PIGU: variants seen among roughly 807,000 people sequenced by gnomAD.
PIGU encodes the protein GPI-anchor transamidase component PIGU.
Under a neutral mutation model 49.9 loss-of-function variants are expected in PIGU, and 24 were observed. The ratio of observed to expected loss-of-function variants is 0.48; its 90% CI spans 0.35 to 0.68. The LOEUF is 0.68. PIGU is among the 30% of genes least tolerant of loss of function. The pLI is 0.01. For missense variants in PIGU, 490 were observed against 532.6 expected (o/e 0.92, Z 0.79); for synonymous variants, 220 against 205.7 (o/e 1.07, Z -0.59).
chr20:34,647,293 A>C (rs1986382294), intron 2 of PIGU, among the ~76,000 whole-genome samples: 1 of 124,252 alleles, frequency 8.0e-6, no homozygotes, highest in Non-Finnish European at 1.6e-5. Context: ...TTTGAGACAG[A>C]GTCTTGCTCT....
intron 11 of PIGU, among the ~76,000 whole-genome samples, chr20:34,561,526 C>A (rs1420528274): frequency 6.6e-6 from 1 of 152,164 alleles, no homozygotes; most frequent in Non-Finnish European, 1.5e-5. Flanking sequence ...GTCATCTCAT[C>A]TCCTAAACAA....
intron 7 of PIGU, among the ~76,000 whole-genome samples, chr20:34,612,676 T>C (rs539828593): frequency 9.9e-5 from 15 of 151,372 alleles, no homozygotes; most frequent in African/African-American, 3.6e-4. Context: ...CAGGCTGGAA[T>C]GCGGTGGTGC....
intron 11 of PIGU, among the ~76,000 whole-genome samples, chr20:34,566,994 T>G (rs1302128342): frequency 6.6e-6 from 1 of 152,240 alleles, no homozygotes; most frequent in Admixed American, 6.5e-5. Context: ...ACAGCAGCCT[T>G]GTCCACCACC....
chr20:34,563,868 C>T (rs1982635023), intron 11 of PIGU, among the ~76,000 whole-genome samples: 1 of 152,156 alleles, frequency 6.6e-6, no homozygotes, highest in Non-Finnish European at 1.5e-5. Flanking sequence ...CTTGAAATCA[C>T]GTGGCTAGCA....
intron 2 of PIGU, among the ~76,000 whole-genome samples, chr20:34,650,698 C>CTTTTTTTTTTTTTTTTTTT (rs1568658806): frequency 2.3e-5 from 1 of 43,950 alleles, no homozygotes; most frequent in Non-Finnish European, 4.8e-5. Flanking sequence ...TTCTTTTTTT[C>CTTTTTTTTTTTTTTTTTTT]TCTTTTTTTT....
chr20:34,671,622 T>C (rs1464019307), intron 1 of PIGU, among the ~76,000 whole-genome samples: 2 of 152,102 alleles, frequency 1.3e-5, no homozygotes, highest in East Asian at 3.9e-4. Flanking sequence ...AATTCATTCC[T>C]TAAAAATTTA....
At chr20:34,676,839 A>G (rs1568672681) in intron 1 of PIGU, 117 bp downstream of exon 1, 1 of 1,279,624 alleles carries the variant, frequency 7.8e-7, no homozygotes, top group Non-Finnish European at 1.1e-6. Flanking sequence ...ACCCCACGAG[A>G]CAGTCAGTTA....
intron 7 of PIGU, among the ~76,000 whole-genome samples, chr20:34,594,125 T>G (rs1984100929): frequency 6.6e-6 from 1 of 152,148 alleles, no homozygotes; most frequent in Non-Finnish European, 1.5e-5. Flanking sequence ...TTCAGTGAGC[T>G]GTGATCGTGC....
At chr20:34,565,172 TAA>T (rs1440119814) in intron 11 of PIGU, among the ~76,000 whole-genome samples, 2 of 152,164 alleles carry the variant, frequency 1.3e-5, no homozygotes, top group African/African-American at 4.8e-5. Context: ...TGTGTGATAT[TAA>T]GTCTCTTCCT....
intron 11 of PIGU, among the ~76,000 whole-genome samples, chr20:34,565,032 G>C (rs367704824): frequency 1.8e-4 from 27 of 152,346 alleles, no homozygotes; most frequent in Middle Eastern, 3.4e-3. Flanking sequence ...GCCGTGAGGA[G>C]AGCAGGGATT....
chr20:34,674,841 G>A (rs1402431144), intron 1 of PIGU, among the ~76,000 whole-genome samples: 1 of 151,790 alleles, frequency 6.6e-6, no homozygotes, highest in Non-Finnish European at 1.5e-5. Context: ...CAACTACTTG[G>A]GAGGCTGAGG....
chr20:34,588,717 T>A, intron 7 of PIGU, 110 bp from the exon 8 acceptor site: 2 of 1,090,286 alleles, frequency 1.8e-6, no homozygotes, highest in Non-Finnish European at 2.5e-6. Flanking sequence ...TACACAGGTT[T>A]ATAATTTTGC....
At chr20:34,657,926 ACCTCTC>A (rs201898673) in intron 1 of PIGU, among the ~76,000 whole-genome samples, 1,499 of 145,844 alleles carry the variant, frequency 0.01, 23 homozygotes, top group African/African-American at 0.031. Flanking sequence ...ATAATAAATA[ACCTCTC>A]CCTCTCCCTC....
chr20:34,635,701 C>A (rs1985935545), intron 5 of PIGU, among the ~76,000 whole-genome samples: 1 of 151,792 alleles, frequency 6.6e-6, no homozygotes, highest in South Asian at 2.1e-4. Flanking sequence ...CATGGAGAAA[C>A]CCTGCCTCTA....
Position 34,575,212 on chromosome 20 carries a change from G to A in PIGU, c.1086C>T (p.Ile362=), listed in dbSNP as rs1443455445. 6.2e-7 allele frequency: 1 copy of A among 1,614,162 alleles called. No homozygotes were observed. The change falls in exon 11 of 12, where the codon ATC becomes ATT. Residue 362 remains isoleucine (I), a synonymous_variant. Transcript: ENST00000217446. The part of the protein sequence containing the change: ...LRNIFVLTCI[I]IVCSLLFPVL... Reference sequence around the variant, plus strand: ...CAGGGAAGAGCAGGGAACAGACGATGATGATGCAGGTGAGGACAAAGATGT... The same window carrying A: ...CAGGGAAGAGCAGGGAACAGACGATAATGATGCAGGTGAGGACAAAGATGT...
At position 34,639,187 on chromosome 20, in the gene PIGU, G is replaced by A. The variant is rs185475496; in HGVS notation, c.319-1202C>T. Among the ~76,000 whole-genome samples the A allele has an allele frequency of 7.1e-3, 1,075 of 152,164 alleles. 8 individuals are homozygous for A. Among genetic ancestry groups the A allele is most frequent in the African/African-American group, 0.024 (1,008 of 41,496 alleles). On this transcript the variant is annotated intron_variant, in intron 4 of 11. Transcript: ENST00000217446. ...GAGGCCGAGGCAGGCAGATCACAAG[G>A]TCAGGAGATCGAGACCATCCTGGCT... is the stretch of plus-strand genomic sequence containing the variant.
chr20:34,645,624 G>A (rs746315832), intron 2 of PIGU, among the ~76,000 whole-genome samples: 35 of 152,126 alleles, frequency 2.3e-4, no homozygotes, highest in Non-Finnish European at 2.5e-4. Flanking sequence ...GGCCAGGTGC[G>A]GTGGCTCACG....
At chr20:34,627,678 C>T (rs1230411994) in intron 6 of PIGU, among the ~76,000 whole-genome samples, 1 of 152,106 alleles carries the variant, frequency 6.6e-6, no homozygotes, top group African/African-American at 2.4e-5. Context: ...TTGCACTCGG[C>T]TATTTTAAAG....
rs370636644 is a variant in PIGU, at chr20:34,560,934, A to G, written c.1240T>C (p.Tyr414His). The change falls in exon 12 of 12, where the codon TAC becomes CAC. Residue 414 changes from tyrosine (Y) to histidine (H), a missense_variant. Physicochemically the swap from Tyr to His is moderately conservative, Grantham distance 83. Transcript: ENST00000217446. ...AAGTAGAGGCCATGTGTGAGGTAGT[A>G]CTCCCGCCGCAGGAAGGCATAGAAG... is the stretch of plus-strand genomic sequence containing the variant. ...DYFYAFLRREYYLTHGLYLTA... is the reference protein window; with the variant it reads ...DYFYAFLRREHYLTHGLYLTA... The G allele has an allele frequency of 2.5e-6, 4 of 1,611,436 alleles. No individual in the cohort carries two copies. The highest frequency in any genetic ancestry group is 1.7e-4 in the Middle Eastern group (1 of 6,060).
Sources: gnomAD v4.1 joint callset for allele counts (sites outside exome capture counted in the v4.1 genomes callset) on GRCh38, gnomAD v4.1.1 for gene constraint, MANE v1.5 for transcripts, NCBI Gene and HGNC (gene_info 2026-07-23, HGNC 2026-07-21) for gene names.